Variants in C13orf42 observed in about 807,000 individuals in gnomAD.
C13orf42 encodes uncharacterized protein C13orf42.
intron 1 of C13orf42, among the ~76,000 whole-genome samples, chr13:51,100,172 A>T (rs577060754): frequency 6.7e-4 from 101 of 151,670 alleles, no homozygotes; most frequent in Non-Finnish European, 1.0e-3. Context: ...GGTTTTTTTT[A>T]AAAAAAAAGA....
intron 1 of C13orf42, among the ~76,000 whole-genome samples, chr13:51,169,132 A>T (rs1240820909): frequency 6.6e-6 from 1 of 152,172 alleles, no homozygotes; most frequent in Non-Finnish European, 1.5e-5. Flanking sequence ...ACAACATTGG[A>T]ACTTGGTTTA....
intron 1 of C13orf42, among the ~76,000 whole-genome samples, chr13:51,169,228 ATTG>A (rs1953926304): frequency 6.6e-6 from 1 of 152,216 alleles, no homozygotes; most frequent in African/African-American, 2.4e-5. Flanking sequence ...GACTTGTTAA[ATTG>A]TTGTGCCCAA....
intron 1 of C13orf42, among the ~76,000 whole-genome samples, chr13:51,100,331 G>C (rs768385894): frequency 1.3e-5 from 2 of 152,072 alleles, no homozygotes; most frequent in South Asian, 2.1e-4. Flanking sequence ...ATCAGAAAAC[G>C]TCAAATAAAT....
chr13:51,150,767 A>G (rs1350745996), intron 1 of C13orf42, among the ~76,000 whole-genome samples: 1 of 152,206 alleles, frequency 6.6e-6, no homozygotes, highest in Non-Finnish European at 1.5e-5. Flanking sequence ...CCATCCCAGA[A>G]TGAAAACTAA....
At chr13:51,121,306 A>T (rs1953533550) in intron 1 of C13orf42, among the ~76,000 whole-genome samples, 1 of 152,116 alleles carries the variant, frequency 6.6e-6, no homozygotes, top group South Asian at 2.1e-4. Flanking sequence ...TTAAATTAAA[A>T]CCAAACCACA....
At chr13:51,136,025 A>G (rs1953655046) in intron 1 of C13orf42, among the ~76,000 whole-genome samples, 1 of 152,180 alleles carries the variant, frequency 6.6e-6, no homozygotes, top group Non-Finnish European at 1.5e-5. Context: ...CTCCACCCCT[A>G]GGGGCCAAGG....
chr13:51,161,727 G>A (rs1475095807), intron 1 of C13orf42: 2 of 236,028 alleles, frequency 8.5e-6, no homozygotes, highest in Non-Finnish European at 1.7e-5. Flanking sequence ...TGCAGAATCT[G>A]CAACATTCTG....
intron 1 of C13orf42, among the ~76,000 whole-genome samples, chr13:51,152,354 T>C (rs1227528073): frequency 1.3e-5 from 2 of 152,214 alleles, no homozygotes; most frequent in African/African-American, 4.8e-5. Flanking sequence ...CTTCCATTTA[T>C]TTATTTTTTA....
At chr13:51,156,150 C>G (rs958178805) in intron 1 of C13orf42, among the ~76,000 whole-genome samples, 4 of 152,164 alleles carry the variant, frequency 2.6e-5, no homozygotes, top group Non-Finnish European at 4.4e-5. Context: ...AAAGCAGTCC[C>G]ATGGGCCTGC....
intron 1 of C13orf42, among the ~76,000 whole-genome samples, chr13:51,109,610 C>T (rs1322384770): frequency 1.3e-5 from 2 of 151,872 alleles, no homozygotes; most frequent in Non-Finnish European, 2.9e-5. Flanking sequence ...TTTAATTAGC[C>T]GCGTGTGGTG....
intron 1 of C13orf42, among the ~76,000 whole-genome samples, chr13:51,138,233 C>T (rs1296147326): frequency 2.0e-5 from 3 of 152,230 alleles, no homozygotes; most frequent in Non-Finnish European, 2.9e-5. Flanking sequence ...CTGTTATCAG[C>T]ACCCACTGCT....
At position 51,133,736 on chromosome 13, in the gene C13orf42, C is replaced by T. The variant is rs143432763; in HGVS notation, n.137-20514G>A. ...ACTGAGGTCTGATGCACATGGGCCT[C>T]CCCAGTGGCTGTCAACCTTTTGCCT... On this transcript the variant is annotated intron_variant and non_coding_transcript_variant, in intron 1 of 4. Transcript: ENST00000433280. Among the ~76,000 whole-genome samples the T allele has an allele frequency of 2.0e-3, 312 of 152,230 alleles. 2 individuals carry two copies. Among genetic ancestry groups the T allele is most frequent in the African/African-American group, 7.1e-3 (296 of 41,544 alleles).
chr13:51,131,097 T>C (rs1054899013), intron 1 of C13orf42, among the ~76,000 whole-genome samples: 7 of 152,348 alleles, frequency 4.6e-5, no homozygotes, highest in Admixed American at 2.6e-4. Context: ...GACTTTTCGC[T>C]TAAAACCGTG....
chr13:51,140,747 T>C (rs938650105), intron 1 of C13orf42, among the ~76,000 whole-genome samples: 2 of 152,164 alleles, frequency 1.3e-5, no homozygotes, highest in African/African-American at 4.8e-5. Context: ...GTCACTCCTT[T>C]ATGGAGTTTG....
chr13:51,106,151 G>A (rs1417052544), intron 1 of C13orf42, among the ~76,000 whole-genome samples: 3 of 152,198 alleles, frequency 2.0e-5, no homozygotes, highest in African/African-American at 7.2e-5. Context: ...AGGTAGCCAT[G>A]TGAAAAGAAG....
intron 1 of C13orf42, among the ~76,000 whole-genome samples, chr13:51,130,155 G>A (rs1312638792): frequency 6.6e-6 from 1 of 152,156 alleles, no homozygotes; most frequent in African/African-American, 2.4e-5. Context: ...CATGACTTTA[G>A]TAATCTTTGG....
At chr13:51,109,024 A>C (rs555220952) in intron 1 of C13orf42, among the ~76,000 whole-genome samples, 1 of 152,326 alleles carries the variant, frequency 6.6e-6, no homozygotes, top group South Asian at 2.1e-4. Context: ...GCCAGTGCCT[A>C]CTACCCCAGA....
At chr13:51,121,538 C>CTTTT (rs374108603) in intron 1 of C13orf42, among the ~76,000 whole-genome samples, 58 of 137,828 alleles carry the variant, frequency 4.2e-4, no homozygotes, top group Non-Finnish European at 5.9e-4. Flanking sequence ...AAAAAATTTT[C>CTTTT]TTTTTTTTTT....
At chr13:51,088,761 G>A (rs147437540) in intron 1 of C13orf42, among the ~76,000 whole-genome samples, 53 of 152,268 alleles carry the variant, frequency 3.5e-4, no homozygotes, top group Non-Finnish European at 5.4e-4. Flanking sequence ...CACTCAAATC[G>A]TGGAATAAAT....
Sources: allele counts gnomAD v4.1 joint callset (sites outside exome capture counted in the v4.1 genomes callset), GRCh38; gene constraint gnomAD v4.1.1; transcripts MANE v1.5; gene names NCBI Gene and HGNC (gene_info 2026-07-23, HGNC 2026-07-21).